PRSS38: variants seen among roughly 807,000 people sequenced by gnomAD.
PRSS38 encodes the protein serine protease 38, also known as marapsin 2.
In PRSS38, 22 loss-of-function variants were observed where a neutral mutation model predicts 26.8. The observed-to-expected ratio is 0.82, with a 90% CI of 0.59 to 1.17. The LOEUF (loss-of-function observed/expected upper bound fraction) is 1.17. Among genes scored for constraint, PRSS38 ranks in the 50% most tolerant of loss-of-function variants. PRSS38 has a pLI of 0.00. For missense variants in PRSS38, 427 were observed against 422.7 expected (o/e 1.01, Z -0.09); for synonymous variants, 175 against 172.1 (o/e 1.02, Z -0.13).
At chr1:227,843,902 C>A (rs1039311106) in intron 3 of PRSS38, among the ~76,000 whole-genome samples, 1 of 151,942 alleles carries the variant, frequency 6.6e-6, no homozygotes, top group Non-Finnish European at 1.5e-5. Flanking sequence ...CACCTGTAAT[C>A]CCAGCTACTC....
chr1:227,837,827 T>C (rs1249027466), intron 3 of PRSS38, among the ~76,000 whole-genome samples: 4 of 152,238 alleles, frequency 2.6e-5, no homozygotes, highest in African/African-American at 9.6e-5. Context: ...TGCTGACTTG[T>C]AGGAGTTTCT....
intron 3 of PRSS38, among the ~76,000 whole-genome samples, chr1:227,840,624 G>A (rs1447498390): frequency 1.3e-5 from 2 of 152,226 alleles, no homozygotes; most frequent in East Asian, 1.9e-4. Flanking sequence ...ATGGCCTGCA[G>A]AGCCTACGGT....
At chr1:227,841,976 A>G (rs942274156) in intron 3 of PRSS38, among the ~76,000 whole-genome samples, 1 of 152,134 alleles carries the variant, frequency 6.6e-6, no homozygotes, top group Non-Finnish European at 1.5e-5. Flanking sequence ...AAGGGACCAC[A>G]TGGCCAGAGG....
chr1:227,817,002 G>GCCCA (rs1664929497), intron 2 of PRSS38, among the ~76,000 whole-genome samples: 2 of 152,166 alleles, frequency 1.3e-5, no homozygotes, highest in African/African-American at 2.4e-5. Flanking sequence ...GTACAGACTT[G>GCCCA]GGTCCCCAGA....
rs749170178 is a variant in PRSS38 at position 227,845,425 on chromosome 1, A to T, written c.584-45A>T. 7 of 1,514,000 alleles carry T rather than the reference A, an allele frequency of 4.6e-6. No homozygotes were observed. In the Admixed American group the frequency reaches 1.2e-4, roughly 27 times the overall value. The allele number at this position is 1,514,000 out of a possible 1,614,324, so 93.8% of individuals were successfully genotyped here. On this transcript the variant is annotated intron_variant, in intron 3 of 4. Coordinates refer to ENST00000366757, the Ensembl canonical transcript of PRSS38. ...TGTGGGGCAGGGATCCCCCCACCCC[A>T]CACGAAGCAGGTGCTGCCCCCTCAC...
At chr1:227,830,583 C>T (rs1174082239) in intron 3 of PRSS38, among the ~76,000 whole-genome samples, 1 of 149,510 alleles carries the variant, frequency 6.7e-6, no homozygotes, top group Non-Finnish European at 1.5e-5. Context: ...CTAACTACAA[C>T]CTCCGCCTCT....
intron 3 of PRSS38, among the ~76,000 whole-genome samples, chr1:227,824,590 T>C (rs1665045366): frequency 6.6e-6 from 1 of 152,186 alleles, no homozygotes; most frequent in African/African-American, 2.4e-5. Context: ...TACCCAGTAA[T>C]GAGATTGCTG....
chr1:227,837,117 AG>A (rs1665248471), intron 3 of PRSS38, among the ~76,000 whole-genome samples: 1 of 152,148 alleles, frequency 6.6e-6, no homozygotes, highest in Non-Finnish European at 1.5e-5. Flanking sequence ...CAGCCTTCAG[AG>A]GAGCTGGGAC....
At chr1:227,832,752 T>G (rs764551136) in intron 3 of PRSS38, among the ~76,000 whole-genome samples, 5 of 152,150 alleles carry the variant, frequency 3.3e-5, no homozygotes, top group Non-Finnish European at 5.9e-5. Context: ...CCTATATATA[T>G]AGAAAATCCC....
At chr1:227,824,640 G>A (rs529186960) in intron 3 of PRSS38, among the ~76,000 whole-genome samples, 15 of 152,178 alleles carry the variant, frequency 9.9e-5, no homozygotes, top group East Asian at 5.8e-4. Context: ...TTGAGGACTC[G>A]CCACACTGTC....
rs763357044 is a variant in PRSS38 at position 227,845,451 on chromosome 1, G to A, written c.584-19G>A. The stretch of plus-strand genomic sequence containing the variant: ...CACGAAGCAGGTGCTGCCCCCTCAC[G>A]GGAGCCCTCCTCCCACAGGTGAGAC... On this transcript the variant is annotated intron_variant, in intron 3 of 4. Coordinates refer to ENST00000366757, the Ensembl canonical transcript of PRSS38. 27 of 1,599,492 alleles carry A rather than the reference G, an allele frequency of 1.7e-5. No homozygotes were observed. The highest frequency in any genetic ancestry group is 2.1e-5 in the Non-Finnish European group (25 of 1,174,742).
At chr1:227,824,404 AT>A (rs1363675199) in intron 3 of PRSS38, among the ~76,000 whole-genome samples, 1 of 151,862 alleles carries the variant, frequency 6.6e-6, no homozygotes, top group Admixed American at 6.6e-5. Flanking sequence ...ACATGATCTC[AT>A]TTTTTCATGG....
At chr1:227,839,546 T>A (rs1665286618) in intron 3 of PRSS38, among the ~76,000 whole-genome samples, 1 of 151,940 alleles carries the variant, frequency 6.6e-6, no homozygotes, top group Non-Finnish European at 1.5e-5. Context: ...GAAAAACAAA[T>A]TTTTAAAAGG....
intron 3 of PRSS38, among the ~76,000 whole-genome samples, chr1:227,819,792 G>T (rs1346250947): frequency 1.3e-5 from 2 of 152,066 alleles, no homozygotes; most frequent in Non-Finnish European, 2.9e-5. Flanking sequence ...GGGTGTATAG[G>T]AACACAACTG....
chr1:227,845,821 G>A, intron 4 of PRSS38, 133 bp from the exon 5 acceptor site: 1 of 1,342,300 alleles, frequency 7.4e-7, no homozygotes, highest in Non-Finnish European at 1.0e-6. Context: ...CAGTAGGGAG[G>A]CTGGGTGAGA....
At chr1:227,824,999 T>A (rs778345873) in intron 3 of PRSS38, among the ~76,000 whole-genome samples, 1 of 152,178 alleles carries the variant, frequency 6.6e-6, no homozygotes, top group Non-Finnish European at 1.5e-5. Context: ...ATTGCAAAAT[T>A]TTTCTCCCAT....
rs138900240 is a variant in PRSS38, at chr1:227,816,098, C to A, written c.157C>A (p.Arg53=). 2 of 1,612,044 alleles carry A rather than the reference C, an allele frequency of 1.2e-6. No homozygotes were observed. Among genetic ancestry groups the A allele is most frequent in the Non-Finnish European group, 1.7e-6 (2 of 1,179,138 alleles). The change falls in exon 2 of 5, where the codon CGG becomes AGG. Residue 53 remains arginine (R), a synonymous_variant. Transcript: ENST00000366757. The surrounding 1 kb of genome is among the most constrained non-coding windows in gnomAD (Gnocchi z 5.1). ...CTCCGTTCTCCCTGCAGCCTGTGGT[C>A]GGCCCAGCATGGAGGGGAAAATCCT...
At chr1:227,826,759 G>A (rs1485883116) in intron 3 of PRSS38, among the ~76,000 whole-genome samples, 5 of 151,864 alleles carry the variant, frequency 3.3e-5, no homozygotes, top group South Asian at 2.1e-4. Flanking sequence ...CTCTTGTGAC[G>A]GTTTTCAAGG....
At chr1:227,837,262 C>T (rs1022898607) in intron 3 of PRSS38, among the ~76,000 whole-genome samples, 1 of 152,230 alleles carries the variant, frequency 6.6e-6, no homozygotes, top group Non-Finnish European at 1.5e-5. Flanking sequence ...GACAAATCCG[C>T]CTTGCCAAGG....
Sources: allele counts gnomAD v4.1 joint callset (sites outside exome capture counted in the v4.1 genomes callset), GRCh38; gene constraint gnomAD v4.1.1; non-coding constraint Gnocchi (gnomAD v3.1); transcripts MANE v1.5; gene names NCBI Gene and HGNC (gene_info 2026-07-23, HGNC 2026-07-21).